Variants in SMAP1 observed in about 807,000 individuals in gnomAD.
The protein encoded by SMAP1 is stromal membrane-associated protein 1.
Under a neutral mutation model 58.5 loss-of-function variants are expected in SMAP1, and 24 were observed. That is an observed-to-expected ratio of 0.41 (90% CI 0.30 to 0.58). SMAP1 has a LOEUF of 0.58. Among genes scored for constraint, SMAP1 ranks in the 20% least tolerant of loss-of-function variants. The pLI is 0.29. For synonymous variants in SMAP1, 216 were observed against 196.6 expected (o/e 1.10, Z -0.82); for missense variants, 563 against 566.3 (o/e 0.99, Z 0.06).
intron 4 of SMAP1, among the ~76,000 whole-genome samples, chr6:70,787,661 A>G (rs1768119438): frequency 1.3e-5 from 2 of 152,266 alleles, no homozygotes; most frequent in Non-Finnish European, 2.9e-5. Flanking sequence ...ACACTTCTCA[A>G]AAGAAGACAT....
chr6:70,769,432 G>A (rs916457134), intron 3 of SMAP1, among the ~76,000 whole-genome samples: 5 of 152,116 alleles, frequency 3.3e-5, no homozygotes, highest in African/African-American at 9.7e-5. Flanking sequence ...GAATCTGGGT[G>A]CTCCTGTATT....
chr6:70,786,986 C>T (rs930810215), intron 4 of SMAP1, among the ~76,000 whole-genome samples: 5 of 152,042 alleles, frequency 3.3e-5, no homozygotes, highest in Admixed American at 1.3e-4. Flanking sequence ...GAGCCCGCAT[C>T]GCCAAGTCAG....
At chr6:70,770,814 C>T (rs912486259) in intron 3 of SMAP1, among the ~76,000 whole-genome samples, 9 of 152,166 alleles carry the variant, frequency 5.9e-5, no homozygotes, top group Middle Eastern at 3.2e-3. Context: ...CTTTGGAGGA[C>T]GAGAGGTGCT....
In SMAP1 at chr6:70,861,961, G is replaced by C. The variant is rs771270674; in HGVS notation, c.*1627G>C. 1 of 1,610,552 alleles carries C rather than the reference G, an allele frequency of 6.2e-7. No individual in the cohort carries two copies. Among genetic ancestry groups the C allele is most frequent in the East Asian group, 2.2e-5 (1 of 44,746 alleles). On this transcript the variant is annotated 3_prime_UTR_variant, in exon 11 of 11. Coordinates refer to ENST00000370455, the MANE Select transcript of SMAP1 (RefSeq NM_001044305.3). ...GCTTTTGGATTGGACAAAATGACTT[G>C]AAGACTTACAGCAAATCCTTTGTGA...
intron 1 of SMAP1, among the ~76,000 whole-genome samples, chr6:70,726,592 A>G (rs1008410818): frequency 1.2e-4 from 19 of 152,188 alleles, no homozygotes; most frequent in African/African-American, 4.3e-4. Context: ...CTGTTTTGCT[A>G]GTTCATCATG....
intron 3 of SMAP1, among the ~76,000 whole-genome samples, chr6:70,756,544 T>C (rs1011281255): frequency 2.0e-5 from 3 of 151,976 alleles, no homozygotes; most frequent in Non-Finnish European, 2.9e-5. Flanking sequence ...AGTATGGAGG[T>C]ATGAGAGAAC....
intron 3 of SMAP1, among the ~76,000 whole-genome samples, chr6:70,761,875 C>T (rs779598509): frequency 6.6e-6 from 1 of 152,066 alleles, no homozygotes; most frequent in East Asian, 1.9e-4. Context: ...CTGTTAGATA[C>T]TATACTAAGT....
chr6:70,708,449 C>T (rs1299588859), intron 1 of SMAP1, among the ~76,000 whole-genome samples: 1 of 152,180 alleles, frequency 6.6e-6, no homozygotes, highest in African/African-American at 2.4e-5. Context: ...CCAGATGTCT[C>T]TATGAAGTGC....
chr6:70,677,439 T>C (rs1406076661), intron 1 of SMAP1, among the ~76,000 whole-genome samples: 3 of 128,574 alleles, frequency 2.3e-5, no homozygotes, highest in Non-Finnish European at 4.9e-5. Flanking sequence ...CTTCTTTTTT[T>C]TTTTTTTTTT....
chr6:70,798,350 T>G (rs922277406), intron 5 of SMAP1, among the ~76,000 whole-genome samples: 114 of 151,948 alleles, frequency 7.5e-4, no homozygotes, highest in African/African-American at 2.7e-3. Context: ...TAGTGAGAAT[T>G]TATTGAATGG....
At chr6:70,755,174 G>A (rs1245882874) in intron 3 of SMAP1, 109 bp downstream of exon 3, 3 of 829,226 alleles carry the variant, frequency 3.6e-6, no homozygotes, top group Non-Finnish European at 5.7e-6. Flanking sequence ...TCACGCTACT[G>A]TTCATTAAAG....
At position 70,860,297 on chromosome 6, in the gene SMAP1, C is replaced by T. The variant is rs754060028; in HGVS notation, c.1367C>T (p.Ser456Leu). The change falls in exon 11 of 11, where the codon TCA becomes TTA. Residue 456 changes from serine (S) to leucine (L), a missense_variant. Ser to Leu is a moderately radical substitution (Grantham distance 145, BLOSUM62 -2). This residue lies in a region of SMAP1 where 494 missense variants were observed against 473.8 expected (regional missense o/e 1.04). Coordinates refer to ENST00000370455, the MANE Select transcript of SMAP1 (RefSeq NM_001044305.3). The stretch of plus-strand genomic sequence containing the variant: ...ACAACAGCAGGATGGTCTGGAAGCT[C>T]ATCAGGTCAGACTCTCAGCACACAA... The part of the protein sequence containing the change: ...SSTTAGWSGS[S>L]SGQTLSTQLW... The T allele has an allele frequency of 6.2e-7, 1 of 1,613,498 alleles. No homozygotes were observed. The highest frequency in any genetic ancestry group is 2.2e-5 in the East Asian group (1 of 44,870).
At chr6:70,742,158 CGCAGATTTCT>C (rs1296402996) in intron 2 of SMAP1, among the ~76,000 whole-genome samples, 6 of 152,348 alleles carry the variant, frequency 3.9e-5, no homozygotes, top group Non-Finnish European at 7.3e-5. Context: ...TCATTACTTA[CGCAGATTTCT>C]GCAACCGGGT....
At chr6:70,675,294 G>C (rs549871187) in intron 1 of SMAP1, among the ~76,000 whole-genome samples, 13 of 145,622 alleles carry the variant, frequency 8.9e-5, no homozygotes, top group African/African-American at 5.1e-5. Flanking sequence ...CTTTGAGGTA[G>C]GTAATATTAT....
At chr6:70,815,280 T>C (rs571553720) in intron 6 of SMAP1, among the ~76,000 whole-genome samples, 6 of 152,320 alleles carry the variant, frequency 3.9e-5, no homozygotes, top group African/African-American at 1.4e-4. Flanking sequence ...AAGTCTAATT[T>C]ATTTGAATGT....
intron 2 of SMAP1, among the ~76,000 whole-genome samples, chr6:70,740,479 C>CA (rs34150685): frequency 4.0e-4 from 58 of 146,488 alleles, no homozygotes; most frequent in South Asian, 8.5e-4. Context: ...AAAAAAAAAA[C>CA]AAAAAAAAAA....
intron 1 of SMAP1, among the ~76,000 whole-genome samples, chr6:70,679,093 G>A (rs1307899157): frequency 1.3e-5 from 2 of 150,388 alleles, no homozygotes; most frequent in Non-Finnish European, 2.9e-5. Flanking sequence ...GCATGATCTC[G>A]GCTCACTGCA....
At chr6:70,709,720 A>G (rs1395876684) in intron 1 of SMAP1, among the ~76,000 whole-genome samples, 1 of 152,132 alleles carries the variant, frequency 6.6e-6, no homozygotes, top group Non-Finnish European at 1.5e-5. Context: ...GTTTCATACA[A>G]ATTTTACAGT....
At chr6:70,681,548 CCT>C (rs1766711359) in intron 1 of SMAP1, among the ~76,000 whole-genome samples, 1 of 152,198 alleles carries the variant, frequency 6.6e-6, no homozygotes, top group Admixed American at 6.5e-5. Flanking sequence ...CATATACACT[CCT>C]AAAGTTATTT....
Sources: gnomAD v4.1 joint callset for allele counts (sites outside exome capture counted in the v4.1 genomes callset) on GRCh38, gnomAD v4.1.1 for gene constraint, gnomAD v4.1.1 regional missense constraint, MANE v1.5 for transcripts, NCBI Gene and HGNC (gene_info 2026-07-23, HGNC 2026-07-21) for gene names.